The following CNTN1 variants were observed in gnomAD, a reference collection of about 807,000 sequenced individuals.
CNTN1 encodes the protein contactin 1, also known as contactin-1.
CNTN1 carries 38 observed loss-of-function variants against 126.4 expected under a neutral mutation model. That is an observed-to-expected ratio of 0.30 (90% CI 0.23 to 0.39). CNTN1 has a LOEUF of 0.39. Among genes scored for constraint, CNTN1 ranks in the 10% least tolerant of loss-of-function variants. CNTN1 has a pLI of 1.00. For missense variants in CNTN1, 1,009 were observed against 1,248.4 expected, an observed-to-expected ratio of 0.81 and a Z score of 2.89; for synonymous variants, 413 against 422.6, an observed-to-expected ratio of 0.98 and a Z score of 0.28.
At position 40,871,475 on chromosome 12, in the gene CNTN1, A is replaced by G. The variant is rs111593649; in HGVS notation, c.-76-36882A>G. ...TACAGTAGTAGTGGAAATATGGGGC[A>G]AAGTGGTTGGATTTGGGATATTCTG... On this transcript the variant is annotated intron_variant, in intron 1 of 23. Coordinates refer to ENST00000551295, the MANE Select transcript of CNTN1 (RefSeq NM_001843.4). 2.0e-4 allele frequency among the ~76,000 whole-genome samples: 30 copies of G among 152,206 alleles called. No homozygotes were observed. The East Asian group carries it at 3.3e-3, about 17-fold the overall frequency.
At chr12:40,928,947 C>T (rs1280822475) in intron 6 of CNTN1, among the ~76,000 whole-genome samples, 1 of 151,850 alleles carries the variant, frequency 6.6e-6, no homozygotes, top group Non-Finnish European at 1.5e-5. Context: ...AGAGAGATTC[C>T]CACTTATATT....
At chr12:41,043,556 G>A (rs1022063168) in intron 23 of CNTN1, among the ~76,000 whole-genome samples, 20 of 152,162 alleles carry the variant, frequency 1.3e-4, no homozygotes, top group Admixed American at 3.3e-4. Context: ...TGGTGGGACT[G>A]TAAACTAGTT....
At chr12:41,015,207 A>T (rs76839919) in intron 18 of CNTN1, among the ~76,000 whole-genome samples, 68 of 152,248 alleles carry the variant, frequency 4.5e-4, no homozygotes, top group Middle Eastern at 3.4e-3. Context: ...GCAAAAAAAA[A>T]CTAATCTGAA....
intron 16 of CNTN1, among the ~76,000 whole-genome samples, chr12:40,984,902 C>T (rs1947914708): frequency 6.6e-6 from 1 of 151,914 alleles, no homozygotes; most frequent in African/African-American, 2.4e-5. Context: ...TCTACAATTA[C>T]TTTTAAATAA....
chr12:40,765,361 T>C (rs1326047786), intron 1 of CNTN1, among the ~76,000 whole-genome samples: 1 of 152,066 alleles, frequency 6.6e-6, no homozygotes, highest in Non-Finnish European at 1.5e-5. Flanking sequence ...AGGAGTACAG[T>C]ATAAAAGTTT....
chr12:40,791,831 A>G (rs1436713690), intron 1 of CNTN1, among the ~76,000 whole-genome samples: 1 of 152,124 alleles, frequency 6.6e-6, no homozygotes, highest in Non-Finnish European at 1.5e-5. Flanking sequence ...TGACTGCATG[A>G]TATTTCAATG....
intron 1 of CNTN1, among the ~76,000 whole-genome samples, chr12:40,828,836 C>T (rs771111382): frequency 2.9e-4 from 44 of 152,102 alleles, no homozygotes; most frequent in Non-Finnish European, 4.4e-4. Flanking sequence ...TGAGGGAAGA[C>T]CTTGCTGTCA....
intron 1 of CNTN1, among the ~76,000 whole-genome samples, chr12:40,836,948 T>C (rs1375918561): frequency 6.6e-6 from 1 of 152,188 alleles, no homozygotes; most frequent in Non-Finnish European, 1.5e-5. Context: ...AAGTTTCTCT[T>C]CCATATCACC....
chr12:40,719,182 G>A (rs1467407001), intron 1 of CNTN1, among the ~76,000 whole-genome samples: 1 of 152,162 alleles, frequency 6.6e-6, no homozygotes, highest in Non-Finnish European at 1.5e-5. Flanking sequence ...ATTAACAGTT[G>A]CTGAGTCATC....
chr12:40,956,072 C>T (rs533749615), intron 14 of CNTN1, among the ~76,000 whole-genome samples: 1 of 152,192 alleles, frequency 6.6e-6, no homozygotes, highest in African/African-American at 2.4e-5. Flanking sequence ...CTGTCACTGT[C>T]ATGGGTTATA....
In CNTN1 at chr12:41,068,900, A is replaced by G. The variant is rs553820473; in HGVS notation, c.2981-1059A>G. On this transcript the variant is annotated intron_variant, in intron 23 of 23. Coordinates refer to ENST00000551295, the MANE Select transcript of CNTN1 (RefSeq NM_001843.4). ...CAGCACTTTGGGAGACTGAGGCAGGAGGATCACATGGGCCCAGGAGTTTGA... is the reference window on the plus strand; with the variant it reads ...CAGCACTTTGGGAGACTGAGGCAGGGGGATCACATGGGCCCAGGAGTTTGA... 5.9e-5 allele frequency among the ~76,000 whole-genome samples: 9 copies of G among 152,330 alleles called. No homozygotes were observed. In the East Asian group the frequency reaches 9.6e-4, roughly 16 times the overall value.
At chr12:40,873,505 A>G (rs1943574008) in intron 1 of CNTN1, among the ~76,000 whole-genome samples, 1 of 152,146 alleles carries the variant, frequency 6.6e-6, no homozygotes, top group Admixed American at 6.5e-5. Context: ...TTGATTGCTA[A>G]AATATTTTTT....
chr12:41,034,525 AT>A (rs1475363769), intron 23 of CNTN1, among the ~76,000 whole-genome samples: 2 of 152,156 alleles, frequency 1.3e-5, no homozygotes, highest in Non-Finnish European at 2.9e-5. Flanking sequence ...TTCATATGTT[AT>A]TACATTTAGT....
intron 1 of CNTN1, among the ~76,000 whole-genome samples, chr12:40,889,575 GC>G (rs1404823036): frequency 6.6e-6 from 1 of 151,972 alleles, no homozygotes; most frequent in Admixed American, 6.6e-5. Flanking sequence ...GGTTTTTGAA[GC>G]CCCAAATCAA....
At chr12:40,902,923 A>G (rs1234425306) in intron 1 of CNTN1, among the ~76,000 whole-genome samples, 1 of 152,210 alleles carries the variant, frequency 6.6e-6, no homozygotes, top group African/African-American at 2.4e-5. Context: ...GTGTTGTCTA[A>G]AGGAAAGAGG....
chr12:40,719,726 G>A (rs1592008251), intron 1 of CNTN1, among the ~76,000 whole-genome samples: 1 of 152,156 alleles, frequency 6.6e-6, no homozygotes, highest in Non-Finnish European at 1.5e-5. Context: ...CTTAGACAAC[G>A]AAGCAAATAT....
At chr12:40,936,645 T>C (rs1946089821) in intron 9 of CNTN1, 136 bp from the exon 10 acceptor site, 1 of 1,041,748 alleles carries the variant, frequency 9.6e-7, no homozygotes, top group Non-Finnish European at 1.4e-6. Flanking sequence ...ACAAGGCCTA[T>C]TACTGAGTTC....
chr12:40,723,887 T>C (rs995073181), intron 1 of CNTN1, among the ~76,000 whole-genome samples: 1 of 152,154 alleles, frequency 6.6e-6, no homozygotes, highest in Non-Finnish European at 1.5e-5. Context: ...ATTATGACTT[T>C]CATGGACCCT....
intron 1 of CNTN1, among the ~76,000 whole-genome samples, chr12:40,867,661 T>A (rs1250824664): frequency 1.3e-5 from 2 of 152,096 alleles, no homozygotes; most frequent in South Asian, 2.1e-4. Context: ...AATACTAGAA[T>A]CCTTTAGGAC....
Sources: gnomAD v4.1 joint callset for allele counts (sites outside exome capture counted in the v4.1 genomes callset) on GRCh38, gnomAD v4.1.1 for gene constraint, MANE v1.5 for transcripts, NCBI Gene and HGNC (gene_info 2026-07-23, HGNC 2026-07-21) for gene names.